Variants in SUGT1 observed in about 807,000 individuals in gnomAD.
SUGT1 encodes protein SGT1 homolog.
Under a neutral mutation model 56.1 loss-of-function variants are expected in SUGT1, and 15 were observed. The observed-to-expected ratio is 0.27, with a 90% confidence interval of 0.18 to 0.41. SUGT1 has a LOEUF of 0.41. SUGT1 is among the 10% of genes least tolerant of loss of function. The pLI is 1.00. For missense variants in SUGT1, 347 were observed against 382.2 expected, an observed-to-expected ratio of 0.91 and a Z score of 0.77; for synonymous variants, 123 against 128.6, an observed-to-expected ratio of 0.96 and a Z score of 0.30.
chr13:52,653,280 C>T (rs1159543968), intron 2 of SUGT1, among the ~76,000 whole-genome samples, 177 bp downstream of exon 2: 2 of 152,124 alleles, frequency 1.3e-5, no homozygotes, highest in African/African-American at 4.8e-5. Flanking sequence ...ACGGTAGCCG[C>T]GTTACCCCAG....
intron 11 of SUGT1, among the ~76,000 whole-genome samples, chr13:52,677,329 A>T (rs1156784925): frequency 1.3e-5 from 2 of 152,172 alleles, no homozygotes; most frequent in Non-Finnish European, 2.9e-5. Context: ...ATTACCTCTT[A>T]AGTAGTCTGT....
At chr13:52,680,596 A>G (rs184400720) in intron 12 of SUGT1, among the ~76,000 whole-genome samples, 176 of 152,342 alleles carry the variant, frequency 1.2e-3, no homozygotes, top group Non-Finnish European at 2.2e-3. Context: ...GCTTTTTGTC[A>G]GGGCAGCATA....
intron 10 of SUGT1, among the ~76,000 whole-genome samples, chr13:52,667,615 AG>A (rs1962765897): frequency 6.6e-6 from 1 of 152,120 alleles, no homozygotes; most frequent in Non-Finnish European, 1.5e-5. Flanking sequence ...CTCTATTATG[AG>A]GGAACAATGA....
chr13:52,667,035 C>G (rs914865264), intron 10 of SUGT1, 116 bp downstream of exon 10: 1 of 654,530 alleles, frequency 1.5e-6, no homozygotes, highest in Non-Finnish European at 2.6e-6. Context: ...TTAACAGGGA[C>G]AAGAAAATAA....
intron 5 of SUGT1, 42 bp downstream of exon 5, chr13:52,659,291 T>C (rs1306033714): frequency 4.8e-6 from 6 of 1,240,314 alleles, no homozygotes; most frequent in Non-Finnish European, 6.5e-6. Context: ...TATCTATTTC[T>C]GTCTTAAATA....
chr13:52,671,199 T>C (rs1011885023), intron 10 of SUGT1, among the ~76,000 whole-genome samples: 18 of 152,044 alleles, frequency 1.2e-4, no homozygotes, highest in African/African-American at 4.3e-4. Context: ...AGTACAGTGG[T>C]GGTGATAATA....
chr13:52,658,476 G>A lies in SUGT1; in HGVS notation c.257+8G>A. ...TGCTATGCTGAGAAAAGGGTATGCA[G>A]TAGCTACTCTTCTTGTTGAGCTTGG... On this transcript the variant is annotated splice_region_variant and intron_variant, in intron 4 of 12. Transcript: ENST00000310528. 1.2e-6 allele frequency: 2 copies of A among 1,606,556 alleles called. No homozygotes were observed. Among genetic ancestry groups the A allele is most frequent in the East Asian group, 2.2e-5 (1 of 44,752 alleles).
Position 52,698,305 on chromosome 13 carries a change from A to G in SUGT1, c.*10470A>G, listed in dbSNP as rs1262076400. On this transcript the variant is annotated 3_prime_UTR_variant, in exon 13 of 13. Transcript: ENST00000310528. ...GGAGCTGGAATGGATCTTAAATACT[A>G]TGTAGTCCAAACGTTTGGTTTTACA... The G allele has an allele frequency of 6.6e-6, 1 of 152,174 alleles. No homozygotes were observed. Among genetic ancestry groups the G allele is most frequent in the East Asian group, 1.9e-4 (1 of 5,188 alleles). The allele number at this position is 152,174 out of a possible 1,614,324, so 9.4% of individuals were successfully genotyped here. A position where few individuals can be genotyped will look rare whatever the true frequency, so the allele number is the denominator to read the frequency against.
At chr13:52,661,590 G>A in intron 5 of SUGT1, 2 of 414,776 alleles carry the variant, frequency 4.8e-6, no homozygotes, top group Non-Finnish European at 9.6e-6. Flanking sequence ...ACCATGCCCG[G>A]CCAAAATCTG....
chr13:52,679,893 A>G, intron 11 of SUGT1, 81 bp from the exon 12 acceptor site: 1 of 1,383,538 alleles, frequency 7.2e-7, no homozygotes, highest in East Asian at 2.5e-5. Flanking sequence ...GATGTTCCAT[A>G]TACATGGTCA....
Position 52,653,079 on chromosome 13 carries a change from C to CGAG in SUGT1, c.75_77dup (p.Glu25dup). On this transcript the variant is annotated inframe_insertion, in exon 2 of 13. Coordinates refer to ENST00000310528, the MANE Select transcript of SUGT1 (RefSeq NM_006704.5). The stretch of plus-strand genomic sequence containing the variant: ...AGAGCTTCTCGGATGCCCTAATCGA[C>CGAG]GAGGACCCCCAGGCGGCGTTAGAGG... 1 of 1,614,146 alleles carries CGAG rather than the reference C, an allele frequency of 6.2e-7. No homozygotes were observed. The highest frequency in any genetic ancestry group is 8.5e-7 in the Non-Finnish European group (1 of 1,180,038).
In SUGT1 at chr13:52,692,670, A is replaced by G. The variant is rs183639550; in HGVS notation, c.*4835A>G. On this transcript the variant is annotated 3_prime_UTR_variant, in exon 13 of 13. Coordinates refer to ENST00000310528, the MANE Select transcript of SUGT1 (RefSeq NM_006704.5). ...ATGATCCGCCCACCTTGGCCTCCCA[A>G]AATGCTGGGATTATAGGCGTGAGCC... 8.5e-5 allele frequency: 13 copies of G among 152,412 alleles called. No homozygotes were observed. Among genetic ancestry groups the G allele is most frequent in the African/African-American group, 2.9e-4 (12 of 41,588 alleles). The allele number at this position is 152,412 out of a possible 1,614,324, so 9.4% of individuals were successfully genotyped here.
chr13:52,677,013 A>G (rs1006470288), intron 11 of SUGT1, among the ~76,000 whole-genome samples: 6 of 152,222 alleles, frequency 3.9e-5, no homozygotes, highest in African/African-American at 1.4e-4. Flanking sequence ...AGCTTCATTA[A>G]TGAGTGGAGG....
intron 11 of SUGT1, among the ~76,000 whole-genome samples, chr13:52,677,782 G>A (rs1963208480): frequency 8.0e-5 from 1 of 12,498 alleles, no homozygotes; most frequent in South Asian, 1.5e-3. Flanking sequence ...GCCGACATGA[G>A]TATCTAGTAG....
Position 52,665,744 on chromosome 13 carries a change from T to C in SUGT1, c.519+11T>C. 1.3e-6 allele frequency: 2 copies of C among 1,560,030 alleles called. No individual in the cohort carries two copies. The highest frequency in any genetic ancestry group is 1.4e-5 in the African/African-American group (1 of 72,396). ...TTTTCAGAAAAAGAGGTCAGTAGAC[T>C]GAATCATTTTTCAATGTTGATTACT... On this transcript the variant is annotated intron_variant, in intron 9 of 12. Transcript: ENST00000310528.
chr13:52,674,214 G>A lies in SUGT1; in HGVS notation c.628-2016G>A, dbSNP rs539703801. 1.8e-3 allele frequency among the ~76,000 whole-genome samples: 277 copies of A among 152,002 alleles called. 2 individuals are homozygous for A. Among genetic ancestry groups the A allele is most frequent in the African/African-American group, 6.2e-3 (259 of 41,456 alleles). On this transcript the variant is annotated intron_variant, in intron 10 of 12. Coordinates refer to ENST00000310528, the MANE Select transcript of SUGT1 (RefSeq NM_006704.5). ...CTACAGTCACATGCCACTATGCCTGGCTATTTTTTGTATTTTTAGTAGAGA... is the reference window on the plus strand; with the variant it reads ...CTACAGTCACATGCCACTATGCCTGACTATTTTTTGTATTTTTAGTAGAGA...
intron 10 of SUGT1, among the ~76,000 whole-genome samples, chr13:52,668,954 C>T (rs1962826027): frequency 3.3e-5 from 5 of 152,006 alleles, no homozygotes; most frequent in Admixed American, 3.3e-4. Context: ...GGAAGAATAT[C>T]ATGTGTGGTA....
rs1270369770 is a variant in SUGT1, at chr13:52,699,950, GAA to G, written c.*12118_*12119del. The stretch of plus-strand genomic sequence containing the variant: ...TTTTTGTAGCCATGTGCAGAGGAGA[GAA>G]AAGGTGTTGGATTTTCTGCAGTTCT... On this transcript the variant is annotated 3_prime_UTR_variant, in exon 13 of 13. Transcript: ENST00000310528. The G allele has an allele frequency of 2.0e-5, 3 of 152,200 alleles. No individual in the cohort carries two copies. Among genetic ancestry groups the G allele is most frequent in the South Asian group, 2.1e-4 (1 of 4,830 alleles). 9.4% of individuals were successfully genotyped at this position (152,200 alleles called of 1,614,324 possible). A position where few individuals can be genotyped will look rare whatever the true frequency, so the allele number is the denominator to read the frequency against.
Position 52,691,629 on chromosome 13 carries a change from G to A in SUGT1, c.*3794G>A, listed in dbSNP as rs1289832623. ...GGTAGACGGTTTCTAGGTGGTGTGT[G>A]TTTTTGTTAGTTACTAGAGCCACTT... On this transcript the variant is annotated 3_prime_UTR_variant, in exon 13 of 13. Coordinates refer to ENST00000310528, the MANE Select transcript of SUGT1 (RefSeq NM_006704.5). 4 of 152,098 alleles carry A rather than the reference G, an allele frequency of 2.6e-5. No individual in the cohort carries two copies. Among genetic ancestry groups the A allele is most frequent in the Non-Finnish European group, 1.5e-5 (1 of 68,026 alleles). 9.4% of individuals were successfully genotyped at this position (152,098 alleles called of 1,614,324 possible).
Sources: allele counts gnomAD v4.1 joint callset (sites outside exome capture counted in the v4.1 genomes callset), GRCh38; gene constraint gnomAD v4.1.1; transcripts MANE v1.5; gene names NCBI Gene and HGNC (gene_info 2026-07-23, HGNC 2026-07-21).